NHERF2: variants seen among roughly 807,000 people sequenced by gnomAD.
The protein encoded by NHERF2 is NHERF family PDZ scaffold protein 2, also known as Na(+)/H(+) exchange regulatory cofactor NHE-RF2.
the NHERF2 span, chr16:2,038,161 T>A: frequency 1.4e-6 from 1 of 704,936 alleles, no homozygotes; most frequent in Non-Finnish European, 2.3e-6. Flanking sequence ...ACTGGGGGCC[T>A]GTGGCAGCAA....
At chr16:2,037,558 C>T in the NHERF2 span, 3 of 1,612,276 alleles carry the variant, frequency 1.9e-6, no homozygotes, top group South Asian at 1.1e-5. Context: ...GCTCTGCGTG[C>T]TCGTCCCGAA....
chr16:2,037,284 C>T, the NHERF2 span, among the ~76,000 whole-genome samples: 1 of 152,180 alleles, frequency 6.6e-6, no homozygotes, highest in East Asian at 1.9e-4. Flanking sequence ...TGGCGGTGGC[C>T]TCACCCCAGG....
chr16:2,029,441 G>A, the NHERF2 span: 43 of 742,368 alleles, frequency 5.8e-5, 1 homozygote, highest in East Asian at 5.1e-4. Context: ...GGGCGGGGCC[G>A]GCAGGCCTCT....
the NHERF2 span, among the ~76,000 whole-genome samples, chr16:2,028,820 G>A: frequency 1.3e-5 from 2 of 152,284 alleles, no homozygotes; most frequent in Admixed American, 1.3e-4. Flanking sequence ...CTCCGCGGGT[G>A]TGCGCTGGCC....
the NHERF2 span, chr16:2,036,653 G>C: frequency 6.3e-7 from 1 of 1,576,360 alleles, no homozygotes; most frequent in Non-Finnish European, 8.6e-7. Context: ...ATGAATATTT[G>C]ATGCCACACC....
chr16:2,035,915 G>A, the NHERF2 span: 12 of 186,904 alleles, frequency 6.4e-5, no homozygotes, highest in East Asian at 2.9e-4. Context: ...GCCTAGGAGC[G>A]CCTGCCCCAC....
At chr16:2,027,398 T>TG in the NHERF2 span, among the ~76,000 whole-genome samples, 1,691 of 145,346 alleles carry the variant, frequency 0.012, 15 homozygotes, top group African/African-American at 0.018. Context: ...TGCACGGGGG[T>TG]GGGGGGGGGC....
chr16:2,037,519 T>C, the NHERF2 span: 2 of 1,604,456 alleles, frequency 1.2e-6, no homozygotes. Context: ...GAAACCACAA[T>C]CTGCCCTTGG....
the NHERF2 span, chr16:2,033,026 C>T: frequency 9.1e-5 from 112 of 1,224,772 alleles, no homozygotes; most frequent in Non-Finnish European, 1.1e-4. Context: ...TCAACAGGAC[C>T]GTCCTGTGTT....
the NHERF2 span, chr16:2,038,243 C>CAGAGAGAGACAGAGAGAGAGCG: frequency 5.3e-6 from 3 of 569,160 alleles, no homozygotes; most frequent in Non-Finnish European, 9.4e-6. Context: ...GAGAGAGACA[C>CAGAGAGAGACAGAGAGAGAGCG]AGAGAGAGAC....
the NHERF2 span, chr16:2,036,713 T>C: frequency 6.2e-7 from 1 of 1,609,972 alleles, no homozygotes; most frequent in South Asian, 1.1e-5. Context: ...GGCTGATACA[T>C]GCTGGTGGCG....
At chr16:2,035,723 C>T in the NHERF2 span, 2,429 of 977,630 alleles carry the variant, frequency 2.5e-3, 2 homozygotes, top group South Asian at 3.2e-3. Flanking sequence ...GGGATGGTAG[C>T]GGGGGGTCCT....
At chr16:2,029,185 A>C in the NHERF2 span, among the ~76,000 whole-genome samples, 1 of 152,230 alleles carries the variant, frequency 6.6e-6, no homozygotes, top group Non-Finnish European at 1.5e-5. Flanking sequence ...ACTTTGAAAC[A>C]GATGGATGCA....
chr16:2,027,726 C>G, the NHERF2 span, among the ~76,000 whole-genome samples: 1 of 152,176 alleles, frequency 6.6e-6, no homozygotes, highest in Admixed American at 6.5e-5. Flanking sequence ...GTATACAGGT[C>G]TGCACGTGTG....
the NHERF2 span, among the ~76,000 whole-genome samples, chr16:2,035,089 C>T: frequency 2.0e-5 from 3 of 152,112 alleles, no homozygotes; most frequent in Admixed American, 1.3e-4. Context: ...TGGGTGGTGG[C>T]CATGCAGAGA....
the NHERF2 span, chr16:2,035,823 A>G: frequency 2.8e-6 from 1 of 356,276 alleles, no homozygotes; most frequent in African/African-American, 2.2e-5. Flanking sequence ...GGGGCGGCTC[A>G]TTTTCCTGGA....
the NHERF2 span, chr16:2,038,728 G>T: frequency 5.5e-6 from 1 of 182,326 alleles, no homozygotes; most frequent in African/African-American, 2.4e-5. Flanking sequence ...TGGGCTCTCC[G>T]AGGGGCCTGA....
the NHERF2 span, chr16:2,029,861 T>G: frequency 7.8e-7 from 1 of 1,280,268 alleles, no homozygotes; most frequent in Middle Eastern, 2.3e-4. Flanking sequence ...ATCTTTGCCT[T>G]TGGTCACCTC....
the NHERF2 span, chr16:2,036,930 A>C: frequency 6.4e-7 from 1 of 1,574,148 alleles, no homozygotes; most frequent in African/African-American, 1.4e-5. Flanking sequence ...GTGGCTGAGC[A>C]GCCACTGACA....
Sources: allele counts gnomAD v4.1 joint callset (sites outside exome capture counted in the v4.1 genomes callset), GRCh38; gene constraint gnomAD v4.1.1; transcripts MANE v1.5; gene names NCBI Gene and HGNC (gene_info 2026-07-23, HGNC 2026-07-21).